Variants in PCDHGB3 observed in about 807,000 individuals in gnomAD.
The protein encoded by PCDHGB3 is protocadherin gamma subfamily B, 3.
Under a neutral mutation model 59.2 loss-of-function variants are expected in PCDHGB3, and 40 were observed. The ratio of observed to expected loss-of-function variants is 0.68; its 90% CI spans 0.52 to 0.88. The LOEUF (loss-of-function observed/expected upper bound fraction) is 0.88. PCDHGB3 is among the 40% of genes least tolerant of loss of function. The pLI is 0.00. For synonymous variants in PCDHGB3, 581 were observed against 503.6 expected (o/e 1.15, Z -2.06); for missense variants, 1,309 against 1,187.9 (o/e 1.10, Z -1.50).
chr5:141,429,760 C>T (rs1036499079), intron 1 of PCDHGB3, among the ~76,000 whole-genome samples: 2 of 152,020 alleles, frequency 1.3e-5, no homozygotes, highest in Non-Finnish European at 2.9e-5. Context: ...AATTTTTTCC[C>T]TATATTTTGA....
At chr5:141,409,863 A>G in intron 1 of PCDHGB3, 3 of 1,612,376 alleles carry the variant, frequency 1.9e-6, no homozygotes, top group Non-Finnish European at 2.5e-6. Flanking sequence ...TTGGTGGGAG[A>G]CCGCAATGAC....
In PCDHGB3 at chr5:141,432,867, T is replaced by C; in HGVS notation, c.2415+60058T>C. ...GTAGCGGTGGCCGCGGTCTCCTGCG[T>C]CTTCCTGGCCTTCGTCATCTTGCTG... On this transcript the variant is annotated intron_variant, in intron 1 of 3. Coordinates refer to ENST00000576222, the MANE Select transcript of PCDHGB3 (RefSeq NM_018924.5). The surrounding 1 kb of genome is among the most constrained non-coding windows in gnomAD (Gnocchi z 6.0). 2 of 1,614,182 alleles carry C rather than the reference T, an allele frequency of 1.2e-6. No individual in the cohort carries two copies. The highest frequency in any genetic ancestry group is 1.7e-6 in the Non-Finnish European group (2 of 1,180,010).
intron 1 of PCDHGB3, chr5:141,426,795 C>G (rs1214340018): frequency 2.2e-6 from 1 of 456,700 alleles, no homozygotes. Context: ...GAGTTACCAG[C>G]TCAGTTCTAA....
rs761718852 is a variant in PCDHGB3, at chr5:141,432,440, G to A, written c.2415+59631G>A. ...GCTGGACCAGAACGACAATGCGCCCGAGATCCTGTACCCCGCCCTCCCCAC... is the reference window on the plus strand; with the variant it reads ...GCTGGACCAGAACGACAATGCGCCCAAGATCCTGTACCCCGCCCTCCCCAC... On this transcript the variant is annotated intron_variant, in intron 1 of 3. Transcript: ENST00000576222. The surrounding 1 kb of genome is among the most constrained non-coding windows in gnomAD (Gnocchi z 6.0). 1.3e-5 allele frequency: 21 copies of A among 1,614,226 alleles called. No homozygotes were observed. Among genetic ancestry groups the A allele is most frequent in the Non-Finnish European group, 1.6e-5 (19 of 1,180,048 alleles).
intron 1 of PCDHGB3, chr5:141,409,419 CAGAT>C (rs1303289792): frequency 3.1e-6 from 5 of 1,614,028 alleles, no homozygotes; most frequent in Non-Finnish European, 3.4e-6. Context: ...AAACTGGTGA[CAGAT>C]GGAGCCCTGG....
Position 141,485,166 on chromosome 5 carries a change from C to T in PCDHGB3, c.2416-9641C>T, listed in dbSNP as rs1180453938. 2 of 1,606,374 alleles carry T rather than the reference C, an allele frequency of 1.2e-6. No individual in the cohort carries two copies. Among genetic ancestry groups the T allele is most frequent in the Non-Finnish European group, 8.5e-7 (1 of 1,174,214 alleles). ...CAGGAGCAAGTAGAGAATTAGCGGG[C>T]GGCAGCAATGCTCCGCAAGGTGAGA... On this transcript the variant is annotated intron_variant, in intron 1 of 3. Transcript: ENST00000576222. The surrounding 1 kb of genome is among the most constrained non-coding windows in gnomAD (Gnocchi z 5.7).
chr5:141,427,924 G>T, intron 1 of PCDHGB3: 1 of 1,580,140 alleles, frequency 6.3e-7, no homozygotes, highest in Non-Finnish European at 8.7e-7. Flanking sequence ...ATGAGCCGGC[G>T]CATGTTGGTG....
In PCDHGB3 at chr5:141,454,796, A is replaced by ATTTTTT. The variant is rs61612330; in HGVS notation, c.2416-39987_2416-39982dup. Among the ~76,000 whole-genome samples the ATTTTTT allele has an allele frequency of 4.9e-3, 381 of 77,456 alleles. 41 individuals carry two copies. The highest frequency in any genetic ancestry group is 0.011 in the African/African-American group (178 of 16,882). 50.8% of individuals were successfully genotyped at this position (77,456 alleles called of 152,430 possible). ...AAGGAAATAATCCTCCATGGTTCTA[A>ATTTTTT]TTTTTTTTTTTTTTTTTTTTTTTTT... On this transcript the variant is annotated intron_variant, in intron 1 of 3. Coordinates refer to ENST00000576222, the MANE Select transcript of PCDHGB3 (RefSeq NM_018924.5).
chr5:141,407,143 A>G (rs2154538062), intron 1 of PCDHGB3, among the ~76,000 whole-genome samples: 1 of 152,360 alleles, frequency 6.6e-6, no homozygotes, highest in East Asian at 1.9e-4. Flanking sequence ...AAGAAAAAAA[A>G]GCTGAAGTGT....
chr5:141,372,093 C>T lies in PCDHGB3; in HGVS notation c.1699C>T (p.Leu567=), dbSNP rs775337385. 6.2e-7 allele frequency: 1 copy of T among 1,613,786 alleles called. No homozygotes were observed. Among genetic ancestry groups the T allele is most frequent in the Admixed American group, 1.7e-5 (1 of 60,030 alleles). The change falls in exon 1 of 4, where the codon CTG becomes TTG. Residue 567 remains leucine, a synonymous_variant. Transcript: ENST00000576222. ...DNAPLVLYPA[L]GPEGSALFDM... ...TGCACCGCTGGTGCTGTACCCAGCTCTGGGGCCCGAAGGCTCTGCGCTCTT... is the reference window on the plus strand; with the variant it reads ...TGCACCGCTGGTGCTGTACCCAGCTTTGGGGCCCGAAGGCTCTGCGCTCTT...
At chr5:141,407,214 G>C (rs1230787104) in intron 1 of PCDHGB3, among the ~76,000 whole-genome samples, 2 of 152,146 alleles carry the variant, frequency 1.3e-5, no homozygotes, top group South Asian at 2.1e-4. Context: ...TCCCCCTTAA[G>C]TGGGTAGCAA....
intron 1 of PCDHGB3, chr5:141,375,652 G>A (rs1200856953): frequency 1.8e-5 from 29 of 1,614,096 alleles, no homozygotes; most frequent in Non-Finnish European, 2.3e-5. Context: ...TCGACTATGA[G>A]CAGTTGAGAG....
chr5:141,379,889 CTTTTTTTTTTTTTTTT>C (rs70988800), intron 1 of PCDHGB3, among the ~76,000 whole-genome samples: 915 of 50,904 alleles, frequency 0.018, 31 homozygotes, highest in African/African-American at 0.056. Context: ...GTGAAAGCCT[CTTTTTTTTTTTTTTTT>C]TTTTTTTTTT....
intron 1 of PCDHGB3, chr5:141,415,275 G>A (rs1242620005): frequency 5.6e-6 from 9 of 1,614,094 alleles, no homozygotes; most frequent in East Asian, 4.5e-5. Flanking sequence ...TGGTGGTAGC[G>A]GTGGCCGCGG....
intron 2 of PCDHGB3, among the ~76,000 whole-genome samples, chr5:141,500,231 C>T (rs992215482): frequency 1.4e-5 from 2 of 138,098 alleles, no homozygotes; most frequent in East Asian, 4.1e-4. Context: ...TTTATTGATA[C>T]GTAGCCTTGC....
chr5:141,499,089 A>G (rs1417307590), intron 2 of PCDHGB3, among the ~76,000 whole-genome samples: 2 of 152,116 alleles, frequency 1.3e-5, no homozygotes, highest in Non-Finnish European at 1.5e-5. Context: ...CCTGCTTGGC[A>G]CATGCTTCTC....
At chr5:141,380,165 G>C (rs900894194) in intron 1 of PCDHGB3, among the ~76,000 whole-genome samples, 2 of 152,092 alleles carry the variant, frequency 1.3e-5, no homozygotes, top group Non-Finnish European at 2.9e-5. Flanking sequence ...CTCTCAAAGG[G>C]CTGGGATTAC....
At chr5:141,473,733 G>A (rs943072050) in intron 1 of PCDHGB3, among the ~76,000 whole-genome samples, 19 of 152,214 alleles carry the variant, frequency 1.2e-4, no homozygotes, top group Admixed American at 3.9e-4. Flanking sequence ...GAGAGAGGGA[G>A]AAGACATGAG....
chr5:141,494,778 CA>C (rs1228639033), intron 1 of PCDHGB3, 28 bp from the exon 2 acceptor site: 1 of 1,614,086 alleles, frequency 6.2e-7, no homozygotes, highest in Admixed American at 1.7e-5. Flanking sequence ...CACGGGTACT[CA>C]GCCCCTTTCC....
Sources: gnomAD v4.1 joint callset for allele counts (sites outside exome capture counted in the v4.1 genomes callset) on GRCh38, gnomAD v4.1.1 for gene constraint, Gnocchi (gnomAD v3.1) non-coding constraint, MANE v1.5 for transcripts, NCBI Gene and HGNC (gene_info 2026-07-23, HGNC 2026-07-21) for gene names.